Variants in TEAD3 observed in about 807,000 individuals in gnomAD.
The protein encoded by TEAD3 is TEA domain transcription factor 3.
A neutral mutation model predicts 55.6 loss-of-function variants in TEAD3; 15 were observed. The ratio of observed to expected loss-of-function variants is 0.27; its 90% CI spans 0.18 to 0.42. The LOEUF is 0.42. Among genes scored for constraint, TEAD3 ranks in the 10% least tolerant of loss-of-function variants. The pLI is 1.00. For synonymous variants in TEAD3, 210 were observed against 232.2 expected (o/e 0.90, Z 0.87); for missense variants, 407 against 576.8 (o/e 0.71, Z 3.01).
chr6:35,478,724 G>C (rs925395492), intron 5 of TEAD3, 153 bp from the exon 6 acceptor site: 3 of 1,070,310 alleles, frequency 2.8e-6, no homozygotes, highest in Non-Finnish European at 3.9e-6. Context: ...GCTCTGCTGT[G>C]TGATCTTGGG....
At chr6:35,473,890 C>G (rs927375926), downstream of TEAD3, 1 of 152,440 alleles carries the variant, frequency 6.6e-6, no homozygotes, top group Non-Finnish European at 1.5e-5. Context: ...TCATAAATAC[C>G]CACAGGTGGC....
Position 35,481,230 on chromosome 6 carries a change from GC to G in TEAD3, c.268-1109del, listed in dbSNP as rs1276689362. On this transcript the variant is annotated intron_variant, in intron 3 of 12. Transcript: ENST00000639578. ...CACTGTCTGGATGTGTGTGCCCTGG[GC>G]TGTGTGCCCAGCTGACACCACAGAC... Among the ~76,000 whole-genome samples the G allele has an allele frequency of 2.6e-5, 4 of 152,188 alleles. No individual in the cohort carries two copies. The East Asian group carries it at 7.8e-4, about 29-fold the overall frequency.
At chr6:35,474,610 G>C (rs1055031652), downstream of TEAD3, 7 of 173,876 alleles carry the variant, frequency 4.0e-5, no homozygotes, top group Non-Finnish European at 7.4e-5. Flanking sequence ...TCTGTCCTCA[G>C]TCCAACCCCA....
intron 4 of TEAD3, among the ~76,000 whole-genome samples, chr6:35,479,638 C>T (rs1175105417): frequency 6.6e-6 from 1 of 152,194 alleles, no homozygotes; most frequent in African/African-American, 2.4e-5. Context: ...GAAGAGCACA[C>T]GGCCAGCGTG....
chr6:35,486,571 G>C lies in TEAD3; in HGVS notation c.92C>G (p.Ala31Gly). 6.2e-7 allele frequency: 1 copy of C among 1,613,572 alleles called. No individual in the cohort carries two copies. The highest frequency in any genetic ancestry group is 1.3e-5 in the African/African-American group (1 of 75,070). ...GATGTCCGGGCTCCACACGCCCTCC[G>C]CATCGTTGTCCAGCCCCTTGTCCAG... The change falls in exon 2 of 13, where the codon GCG becomes GGG. Residue 31 changes from alanine to glycine, a missense_variant. Physicochemically the swap from Ala to Gly is moderately conservative, Grantham distance 60 (BLOSUM62 0). Transcript: ENST00000639578. This position sits in a 1 kb window ranked among gnomAD's most constrained non-coding sequence, Gnocchi z 7.3.
rs1197781077 is a variant in TEAD3 at position 35,476,286 on chromosome 6, C to T, written c.726+16G>A. ...ACAATTGTGCAAAGCCTCACCCTCA[C>T]CCCCAAACACGTTACCGTGTCAGGG... is the stretch of plus-strand genomic sequence containing the variant. On this transcript the variant is annotated intron_variant, in intron 9 of 12. Coordinates refer to ENST00000639578, the Ensembl canonical transcript of TEAD3. The T allele has an allele frequency of 1.9e-6, 3 of 1,610,418 alleles. No individual in the cohort carries two copies. The highest frequency in any genetic ancestry group is 2.5e-6 in the Non-Finnish European group (3 of 1,179,154).
At chr6:35,482,015 C>T (rs190701159) in intron 3 of TEAD3, among the ~76,000 whole-genome samples, 97 of 152,312 alleles carry the variant, frequency 6.4e-4, no homozygotes, top group Admixed American at 2.4e-3. Context: ...GATGGAGTCT[C>T]GCTCTGTCAC....
At position 35,491,620 on chromosome 6, in the gene TEAD3, C is replaced by G. The variant is rs1225145172; in HGVS notation, c.-49-4909G>C. On this transcript the variant is annotated intron_variant, in intron 1 of 12. Coordinates refer to ENST00000639578, the Ensembl canonical transcript of TEAD3. This position sits in a 1 kb window ranked among gnomAD's most constrained non-coding sequence, Gnocchi z 4.4. ...TGCAGAGGAGTCCTGTTGTACCTGTCCTGCAAACCCGCCAGCAGGCTGCAG... is the reference window on the plus strand; with the variant it reads ...TGCAGAGGAGTCCTGTTGTACCTGTGCTGCAAACCCGCCAGCAGGCTGCAG... Among the ~76,000 whole-genome samples, 1 of 152,214 alleles carries G rather than the reference C, an allele frequency of 6.6e-6. No homozygotes were observed. Among genetic ancestry groups the G allele is most frequent in the Non-Finnish European group, 1.5e-5 (1 of 68,032 alleles).
At chr6:35,493,721 CA>C (rs1239726834) in intron 1 of TEAD3, among the ~76,000 whole-genome samples, 1 of 152,258 alleles carries the variant, frequency 6.6e-6, no homozygotes, top group Non-Finnish European at 1.5e-5. Context: ...GGTCACACCA[CA>C]GCGTAACACA....
rs1768119874 is a variant in TEAD3, at chr6:35,475,303, T to G, written c.1194+33A>C. On this transcript the variant is annotated intron_variant, in intron 12 of 12. Transcript: ENST00000639578. The surrounding 1 kb of genome is among the most constrained non-coding windows in gnomAD (Gnocchi z 5.4). Reference sequence around the variant, plus strand: ...TACCCAACTTGGAGGCCCTGGCCTGTGGGACTCCCCACGACCCCTGCTGCC... The same window carrying G: ...TACCCAACTTGGAGGCCCTGGCCTGGGGGACTCCCCACGACCCCTGCTGCC... The G allele has an allele frequency of 1.9e-6, 3 of 1,609,612 alleles. No homozygotes were observed. The highest frequency in any genetic ancestry group is 2.7e-5 in the African/African-American group (2 of 74,844).
chr6:35,482,418 A>G (rs2150912937), intron 3 of TEAD3, among the ~76,000 whole-genome samples: 1 of 152,276 alleles, frequency 6.6e-6, no homozygotes, highest in South Asian at 2.1e-4. Context: ...AGACAGGGGG[A>G]GTTTCATCCT....
Position 35,491,484 on chromosome 6 carries a change from CA to C in TEAD3, c.-49-4774del, listed in dbSNP as rs897187806. ...AAGGCAAAACAGAGGGAGGGAGTGACAAGGGAGGCCACTGCCAGGGGCTGGG... is the reference window on the plus strand; with the variant it reads ...AAGGCAAAACAGAGGGAGGGAGTGACAGGGAGGCCACTGCCAGGGGCTGGG... On this transcript the variant is annotated intron_variant, in intron 1 of 12. Coordinates refer to ENST00000639578, the Ensembl canonical transcript of TEAD3. This position sits in a 1 kb window ranked among gnomAD's most constrained non-coding sequence, Gnocchi z 4.4. Among the ~76,000 whole-genome samples, 4 of 152,234 alleles carry C rather than the reference CA, an allele frequency of 2.6e-5. No homozygotes were observed. Among genetic ancestry groups the C allele is most frequent in the Middle Eastern group, 3.4e-3 (1 of 294 alleles).
chr6:35,495,186 A>C (rs1768614581), intron 1 of TEAD3, among the ~76,000 whole-genome samples: 1 of 152,208 alleles, frequency 6.6e-6, no homozygotes, highest in Non-Finnish European at 1.5e-5. Flanking sequence ...CTCTGTTGAG[A>C]TATCTTCTCC....
chr6:35,480,305 A>G lies in TEAD3; in HGVS notation c.268-183T>C, dbSNP rs200962715. On this transcript the variant is annotated intron_variant, in intron 3 of 12. Coordinates refer to ENST00000639578, the Ensembl canonical transcript of TEAD3. Reference sequence around the variant, plus strand: ...GGCTGAAGGCCCCCGCCAGGCACCCAACATACCTTGATGCCAACCTGGTAC... The same window carrying G: ...GGCTGAAGGCCCCCGCCAGGCACCCGACATACCTTGATGCCAACCTGGTAC... 6.2e-7 allele frequency: 1 copy of G among 1,613,624 alleles called. No homozygotes were observed. Among genetic ancestry groups the G allele is most frequent in the Admixed American group, 1.7e-5 (1 of 59,980 alleles).
chr6:35,474,549 G>A (rs749324234), downstream of TEAD3: 1 of 156,880 alleles, frequency 6.4e-6, no homozygotes, highest in Non-Finnish European at 1.4e-5. Context: ...GCCATGCAAG[G>A]AGTCTGGGCA....
chr6:35,496,123 G>A lies in TEAD3; in HGVS notation c.-50+775C>T, dbSNP rs1376474787. 6.6e-6 allele frequency among the ~76,000 whole-genome samples: 1 copy of A among 152,216 alleles called. No homozygotes were observed. The highest frequency in any genetic ancestry group is 1.5e-5 in the Non-Finnish European group (1 of 68,038). ...GGAATAAAGGGCATGACAGACAATGGTGGGGACCGGGGTAGGAAGCGGGAG... is the reference window on the plus strand; with the variant it reads ...GGAATAAAGGGCATGACAGACAATGATGGGGACCGGGGTAGGAAGCGGGAG... On this transcript the variant is annotated intron_variant, in intron 1 of 12. Transcript: ENST00000639578. The surrounding 1 kb of genome is among the most constrained non-coding windows in gnomAD (Gnocchi z 4.8).
In TEAD3 at chr6:35,484,698, G is replaced by A. The variant is rs1487434337; in HGVS notation, c.203-74C>T. On this transcript the variant is annotated intron_variant, in intron 2 of 12. Coordinates refer to ENST00000639578, the Ensembl canonical transcript of TEAD3. This position sits in a 1 kb window ranked among gnomAD's most constrained non-coding sequence, Gnocchi z 5.8. ...AGAGGCTGGAGGCCCCCACCCCACC[G>A]GGAAGCCACTCCAGGACCCTCCCCA... 13 of 1,347,114 alleles carry A rather than the reference G, an allele frequency of 9.7e-6. No homozygotes were observed. The highest frequency in any genetic ancestry group is 1.2e-5 in the Non-Finnish European group (12 of 962,086). The allele number at this position is 1,347,114 out of a possible 1,614,324, so 83.4% of individuals were successfully genotyped here.
At chr6:35,494,468 G>A (rs1164888721) in intron 1 of TEAD3, among the ~76,000 whole-genome samples, 2 of 152,186 alleles carry the variant, frequency 1.3e-5, no homozygotes, top group African/African-American at 2.4e-5. Context: ...GGGAGGGGAG[G>A]GAAGGCAGGG....
chr6:35,474,807 A>C (rs896404734), downstream of TEAD3: 5 of 496,288 alleles, frequency 1.0e-5, no homozygotes, highest in Admixed American at 1.5e-4. Flanking sequence ...ATGGTGGGTC[A>C]GCGCCCCGGA....
Sources: gnomAD v4.1 joint callset for allele counts (sites outside exome capture counted in the v4.1 genomes callset) on GRCh38, gnomAD v4.1.1 for gene constraint, Gnocchi (gnomAD v3.1) non-coding constraint, MANE v1.5 for transcripts, NCBI Gene and HGNC (gene_info 2026-07-23, HGNC 2026-07-21) for gene names.